Variants in CNBD1 observed in about 807,000 individuals in gnomAD.
CNBD1 encodes the protein cyclic nucleotide-binding domain-containing protein 1.
CNBD1 carries 71 observed loss-of-function variants against 54.4 expected under a neutral mutation model. That is an observed-to-expected ratio of 1.30 (90% CI 1.08 to 1.59). The LOEUF is 1.59. CNBD1 is among the 40% of genes most tolerant of loss of function. CNBD1 has a pLI of 0.00. For synonymous variants in CNBD1, 182 were observed against 170.7 expected (o/e 1.07, Z -0.51); for missense variants, 659 against 518.0 (o/e 1.27, Z -2.64).
chr8:87,102,657 A>G (rs886461130), intron 4 of CNBD1, among the ~76,000 whole-genome samples: 6 of 152,094 alleles, frequency 3.9e-5, no homozygotes, highest in African/African-American at 1.2e-4. Flanking sequence ...TCTGTTGCCC[A>G]GGCTGGAGTG....
intron 2 of CNBD1, among the ~76,000 whole-genome samples, chr8:87,408,699 A>G (rs1281388303): frequency 1.3e-5 from 2 of 152,114 alleles, no homozygotes; most frequent in African/African-American, 4.8e-5. Flanking sequence ...TATCAGCACA[A>G]GTTTTCCAAA....
At chr8:87,052,011 G>C (rs1003568017) in intron 4 of CNBD1, among the ~76,000 whole-genome samples, 2 of 152,174 alleles carry the variant, frequency 1.3e-5, no homozygotes, top group Non-Finnish European at 2.9e-5. Context: ...AGCTAGATAG[G>C]GTCAAGGTGG....
chr8:87,365,441 G>A (rs1490446065), intron 10 of CNBD1, among the ~76,000 whole-genome samples: 1 of 151,832 alleles, frequency 6.6e-6, no homozygotes, highest in East Asian at 1.9e-4. Flanking sequence ...CTTGTAGATG[G>A]CAGAGTTGAT....
intron 4 of CNBD1, among the ~76,000 whole-genome samples, chr8:87,026,717 C>T (rs897099546): frequency 2.0e-5 from 3 of 152,130 alleles, no homozygotes; most frequent in African/African-American, 7.2e-5. Context: ...ATCTCTTTCC[C>T]GTACTTACTA....
At chr8:87,245,581 G>T (rs1254898919) in intron 6 of CNBD1, among the ~76,000 whole-genome samples, 1 of 151,618 alleles carries the variant, frequency 6.6e-6, no homozygotes, top group Admixed American at 6.6e-5. Context: ...ATTGTATTTG[G>T]AGATTAAATA....
At chr8:87,258,415 T>A (rs1357682980) in intron 6 of CNBD1, among the ~76,000 whole-genome samples, 3 of 136,490 alleles carry the variant, frequency 2.2e-5, no homozygotes, top group Non-Finnish European at 3.2e-5. Flanking sequence ...AAAATTTTTC[T>A]TTTTTTTATT....
chr8:87,241,310 G>C (rs1263045939), intron 6 of CNBD1, among the ~76,000 whole-genome samples: 1 of 120,758 alleles, frequency 8.3e-6, no homozygotes, highest in Non-Finnish European at 1.6e-5. Context: ...TCGCTCTGTC[G>C]CCCAGGCTGG....
At chr8:86,895,237 C>CTG (rs895945977) in intron 2 of CNBD1, among the ~76,000 whole-genome samples, 14 of 145,642 alleles carry the variant, frequency 9.6e-5, no homozygotes, top group East Asian at 2.1e-4. Context: ...ATTTTTTTCT[C>CTG]TGTGTGTGTG....
At chr8:87,342,280 A>G (rs200720221) in intron 8 of CNBD1, among the ~76,000 whole-genome samples, 4 of 30,930 alleles carry the variant, frequency 1.3e-4, no homozygotes, top group Admixed American at 2.3e-4. Flanking sequence ...CTCAAAAAGA[A>G]AAAAAAAAAA....
At chr8:86,942,169 A>G (rs1807333385) in intron 4 of CNBD1, among the ~76,000 whole-genome samples, 1 of 152,244 alleles carries the variant, frequency 6.6e-6, no homozygotes, top group Non-Finnish European at 1.5e-5. Flanking sequence ...TAGCTATGAC[A>G]AACTATTAAT....
At position 87,322,231 on chromosome 8, in the gene CNBD1, C is replaced by A. The variant is rs1310271881; in HGVS notation, c.1043-29454C>A. ...TTGGACATTTGGGTTGTTTCCAAGT[C>A]TTTGCTATTGTGAATAATGCCGCAA... is the stretch of plus-strand genomic sequence containing the variant. On this transcript the variant is annotated intron_variant, in intron 8 of 10. Transcript: ENST00000518476. 4.1e-5 allele frequency among the ~76,000 whole-genome samples: 5 copies of A among 123,116 alleles called. 1 individual carries two copies. Among genetic ancestry groups the A allele is most frequent in the Non-Finnish European group, 9.0e-5 (5 of 55,306 alleles). The allele number at this position is 123,116 out of a possible 152,430, so 80.8% of individuals were successfully genotyped here. A position where few individuals can be genotyped will look rare whatever the true frequency, so the allele number is the denominator to read the frequency against.
At chr8:86,964,625 A>G (rs1006985821) in intron 4 of CNBD1, among the ~76,000 whole-genome samples, 2 of 152,210 alleles carry the variant, frequency 1.3e-5, no homozygotes, top group Non-Finnish European at 2.9e-5. Context: ...CCGAATCTAA[A>G]TGGGACCGTG....
At chr8:87,029,641 G>A (rs1179111028) in intron 4 of CNBD1, among the ~76,000 whole-genome samples, 1 of 152,084 alleles carries the variant, frequency 6.6e-6, no homozygotes, top group Non-Finnish European at 1.5e-5. Flanking sequence ...AAAAGTGATT[G>A]CCTTTTATGA....
chr8:86,946,978 T>C (rs1807484095), intron 4 of CNBD1, among the ~76,000 whole-genome samples: 1 of 152,136 alleles, frequency 6.6e-6, no homozygotes, highest in Non-Finnish European at 1.5e-5. Flanking sequence ...ATTTACCTCA[T>C]GATATGAAGA....
intron 4 of CNBD1, among the ~76,000 whole-genome samples, chr8:86,959,335 G>T (rs1206134571): frequency 6.6e-6 from 1 of 152,114 alleles, no homozygotes; most frequent in African/African-American, 2.4e-5. Flanking sequence ...TCTTGGAGTT[G>T]TTCTTCTTAG....
intron 5 of CNBD1, among the ~76,000 whole-genome samples, chr8:87,230,481 A>G (rs1405949754): frequency 6.6e-6 from 1 of 152,184 alleles, no homozygotes; most frequent in African/African-American, 2.4e-5. Context: ...GAGCACTCAT[A>G]TGTATGTATG....
chr8:87,364,543 G>A (rs957817852), intron 10 of CNBD1, among the ~76,000 whole-genome samples: 1 of 151,500 alleles, frequency 6.6e-6, no homozygotes, highest in Non-Finnish European at 1.5e-5. Context: ...TGTTATATAG[G>A]TAAACTCATG....
At chr8:87,033,333 T>C (rs1809835425) in intron 4 of CNBD1, among the ~76,000 whole-genome samples, 1 of 152,180 alleles carries the variant, frequency 6.6e-6, no homozygotes, top group Non-Finnish European at 1.5e-5. Flanking sequence ...GGTGTAGAAC[T>C]CATGAAGTTC....
At chr8:87,365,753 T>A (rs1339334596) in intron 10 of CNBD1, among the ~76,000 whole-genome samples, 2 of 152,048 alleles carry the variant, frequency 1.3e-5, no homozygotes, top group African/African-American at 4.8e-5. Flanking sequence ...AACATTAATA[T>A]GGGTTTATGC....
Sources: allele counts gnomAD v4.1 joint callset (sites outside exome capture counted in the v4.1 genomes callset), GRCh38; gene constraint gnomAD v4.1.1; transcripts MANE v1.5; gene names NCBI Gene and HGNC (gene_info 2026-07-23, HGNC 2026-07-21).